DNAH9: variants seen among roughly 807,000 people sequenced by gnomAD.
DNAH9 encodes DNAH9 variant protein.
DNAH9 carries 345 observed loss-of-function variants against 471.6 expected under a neutral mutation model. That is an observed-to-expected ratio of 0.73 (90% CI 0.67 to 0.80). The LOEUF (loss-of-function observed/expected upper bound fraction) is 0.80, where lower values mean the gene tolerates loss of function less well. Among genes scored for constraint, DNAH9 ranks in the 30% least tolerant of loss-of-function variants. The probability of loss-of-function intolerance (pLI) is 0.00; values close to 1 mark genes in which losing one functional copy is unlikely to be tolerated. For missense variants in DNAH9, 5,407 were observed against 5,609.2 expected, an observed-to-expected ratio of 0.96 and a Z score of 1.15; for synonymous variants, 2,093 against 2,123.6, an observed-to-expected ratio of 0.99 and a Z score of 0.40.
rs773909326 is a variant in DNAH9, at chr17:11,701,240, C to G, written c.5144C>G (p.Pro1715Arg). The change falls in exon 24 of 69, where the codon CCA becomes CGA. Residue 1715 changes from proline (P) to arginine (R), a missense_variant. Physicochemically the swap from Pro to Arg is moderately radical, Grantham distance 103 (BLOSUM62 -2). Coordinates refer to ENST00000262442, the MANE Select transcript of DNAH9 (RefSeq NM_001372.4). ...KPREQWLFDHPAQVALTCTQI... is the reference protein window; with the variant it reads ...KPREQWLFDHRAQVALTCTQI... ...AGGGAGCAGTGGCTTTTTGACCACCCAGCTCAGGTATTCTCCTAATGGGAT... is the reference window on the plus strand; with the variant it reads ...AGGGAGCAGTGGCTTTTTGACCACCGAGCTCAGGTATTCTCCTAATGGGAT... The G allele has an allele frequency of 1.9e-6, 3 of 1,613,262 alleles. No homozygotes were observed. Among genetic ancestry groups the G allele is most frequent in the Non-Finnish European group, 8.5e-7 (1 of 1,179,958 alleles).
chr17:11,930,114 C>T (rs1597839759), intron 63 of DNAH9, 21 bp downstream of exon 63: 1 of 1,592,138 alleles, frequency 6.3e-7, no homozygotes, highest in East Asian at 2.2e-5. Context: ...GGGAGGGAGG[C>T]AAAAACAGCA....
Position 11,693,996 on chromosome 17 carries a change from C to G in DNAH9, c.4743C>G (p.Gly1581=), listed in dbSNP as rs755024242. 16 of 1,613,724 alleles carry G rather than the reference C, an allele frequency of 9.9e-6. No individual in the cohort carries two copies. The Middle Eastern group carries it at 9.9e-4, about 99-fold the overall frequency. Residue 1581 remains glycine (G), a splice_region_variant and synonymous_variant, in exon 21 of 69, where the codon GGC becomes GGG. Coordinates refer to ENST00000262442, the MANE Select transcript of DNAH9 (RefSeq NM_001372.4). ...GLYEKLEDIQ[G]RLCLCEKALA... Reference sequence around the variant, plus strand: ...ATGAAAAGCTGGAGGATATTCAGGGCAGGTGAGGGTCCGCCCATTACCCCT... The same window carrying G: ...ATGAAAAGCTGGAGGATATTCAGGGGAGGTGAGGGTCCGCCCATTACCCCT...
rs766799921 is a variant in DNAH9 at position 11,636,730 on chromosome 17, CT to C, written c.1733del (p.Leu578ArgfsTer4). The C allele has an allele frequency of 2.9e-5, 47 of 1,613,576 alleles. No homozygotes were observed. The highest frequency in any genetic ancestry group is 3.6e-5 in the Non-Finnish European group (43 of 1,179,598). On this transcript the variant is annotated frameshift_variant, in exon 9 of 69. Transcript: ENST00000262442. LOFTEE classifies it high-confidence loss of function. The part of the protein sequence containing the change: ...LVLIQMFNKD[L>X]DAVRMIYSQH... ...CCTCATCCAAATGTTCAACAAAGAT[CT>C]GGATGCAGTGAGGATGATCTACAGT... is the stretch of plus-strand genomic sequence containing the variant.
intron 67 of DNAH9, among the ~76,000 whole-genome samples, chr17:11,946,312 C>A (rs566513337): frequency 4.2e-4 from 63 of 151,426 alleles, no homozygotes; most frequent in Admixed American, 8.6e-4. Context: ...TCAGGAGGGG[C>A]AATCAACCAC....
intron 37 of DNAH9, among the ~76,000 whole-genome samples, 189 bp from the exon 38 acceptor site, chr17:11,768,933 G>A (rs1370968998): frequency 6.6e-6 from 1 of 152,140 alleles, no homozygotes; most frequent in Non-Finnish European, 1.5e-5. Flanking sequence ...CCTAACTGCG[G>A]GGAGCCCAGA....
At chr17:11,785,914 C>G (rs1831536198) in intron 41 of DNAH9, among the ~76,000 whole-genome samples, 1 of 152,168 alleles carries the variant, frequency 6.6e-6, no homozygotes, top group South Asian at 2.1e-4. Context: ...CCTATAAAGC[C>G]TGCATCTCTG....
chr17:11,854,347 C>T lies in DNAH9; in HGVS notation c.9852C>T (p.Pro3284=). 6.2e-7 allele frequency: 1 copy of T among 1,614,058 alleles called. No homozygotes were observed. Among genetic ancestry groups the T allele is most frequent in the Non-Finnish European group, 8.5e-7 (1 of 1,180,030 alleles). Residue 3284 remains proline, a synonymous_variant, in exon 50 of 69, where the codon CCC becomes CCT. Coordinates refer to ENST00000262442, the MANE Select transcript of DNAH9 (RefSeq NM_001372.4). ...RFYEVFCDVE[P]KRQALNKATA... is the part of the protein sequence containing the mutation. ...ATGAGGTGTTCTGTGATGTGGAACCCAAGCGCCAGGCACTGAACAAAGCCA... is the reference window on the plus strand; with the variant it reads ...ATGAGGTGTTCTGTGATGTGGAACCTAAGCGCCAGGCACTGAACAAAGCCA...
At chr17:11,832,196 C>A (rs111380897) in intron 48 of DNAH9, among the ~76,000 whole-genome samples, 1,648 of 152,152 alleles carry the variant, frequency 0.011, 26 homozygotes, top group African/African-American at 0.038. Flanking sequence ...TTGGGGGAGC[C>A]CTAATTCTGA....
rs183968629 is a variant in DNAH9, at chr17:11,610,356, G to A, written c.615-40G>A. ...GTTATTTTCACGCCTCAGGGTTTTT[G>A]TTTTTGTTGTTATCATTGTTGTTGT... On this transcript the variant is annotated intron_variant, in intron 2 of 68. Transcript: ENST00000262442. 211 of 1,580,212 alleles carry A rather than the reference G, an allele frequency of 1.3e-4. No individual in the cohort carries two copies. The African/African-American group carries it at 2.5e-3, about 19-fold the overall frequency.
At chr17:11,933,314 A>G (rs1370218468) in intron 64 of DNAH9, among the ~76,000 whole-genome samples, 1 of 152,018 alleles carries the variant, frequency 6.6e-6, no homozygotes, top group Non-Finnish European at 1.5e-5. Flanking sequence ...GAAGGCATAT[A>G]TATATGGGGC....
At chr17:11,946,707 G>C (rs1975140884) in intron 67 of DNAH9, among the ~76,000 whole-genome samples, 1 of 148,396 alleles carries the variant, frequency 6.7e-6, no homozygotes. Flanking sequence ...ATCTGCACTT[G>C]TACCCTCTAA....
Position 11,902,730 on chromosome 17 carries a change from A to C in DNAH9, c.11418A>C (p.Ser3806=), listed in dbSNP as rs1973453900. The part of the protein sequence containing the change: ...QAWGAVKVLS[S]MEEFSNLDRD... ...CTGAAATTTCCCAGGTACTTTCATC[A>C]ATGGAAGAATTCTCTAATCTGGATC... The change falls in exon 60 of 69, where the codon TCA becomes TCC. Residue 3806 remains serine (S), a synonymous_variant. Coordinates refer to ENST00000262442, the MANE Select transcript of DNAH9 (RefSeq NM_001372.4). 1 of 1,606,862 alleles carries C rather than the reference A, an allele frequency of 6.2e-7. No homozygotes were observed. Among genetic ancestry groups the C allele is most frequent in the African/African-American group, 1.3e-5 (1 of 74,414 alleles).
At chr17:11,921,243 ATTTT>A (rs113084157) in intron 61 of DNAH9, among the ~76,000 whole-genome samples, 3 of 100,878 alleles carry the variant, frequency 3.0e-5, no homozygotes, top group Non-Finnish European at 6.4e-5. Context: ...AAAAAAGGTG[ATTTT>A]TTTTTTTTCT....
chr17:11,739,866 G>A lies in DNAH9; in HGVS notation c.5972+829G>A, dbSNP rs34001458. 5.6e-3 allele frequency among the ~76,000 whole-genome samples: 853 copies of A among 152,280 alleles called. 3 individuals are homozygous for A. The highest frequency in any genetic ancestry group is 0.014 in the Middle Eastern group (4 of 294). Reference sequence around the variant, plus strand: ...TTCTGGTTACTGAACTTTTACCTAAGTGAGATAGACTGTGGGGTGCTATGA... The same window carrying A: ...TTCTGGTTACTGAACTTTTACCTAAATGAGATAGACTGTGGGGTGCTATGA... On this transcript the variant is annotated intron_variant, in intron 29 of 68. Coordinates refer to ENST00000262442, the MANE Select transcript of DNAH9 (RefSeq NM_001372.4).
At chr17:11,753,851 A>T (rs1190764230) in intron 33 of DNAH9, among the ~76,000 whole-genome samples, 2 of 152,156 alleles carry the variant, frequency 1.3e-5, no homozygotes, top group Non-Finnish European at 2.9e-5. Context: ...GTACCTGTGC[A>T]GGTTTGTTAC....
intron 27 of DNAH9, 75 bp from the exon 28 acceptor site, chr17:11,727,743 G>A: frequency 1.1e-6 from 1 of 941,310 alleles, no homozygotes; most frequent in Non-Finnish European, 1.7e-6. Context: ...ATAATAAAGG[G>A]GATGGAGAAT....
In DNAH9 at chr17:11,598,558, C is replaced by A. The variant is rs936258181; in HGVS notation, c.60C>A (p.Gly20=). Residue 20 remains glycine, a synonymous_variant, in exon 1 of 69, where the codon GGC becomes GGA. Coordinates refer to ENST00000262442, the MANE Select transcript of DNAH9 (RefSeq NM_001372.4). ...LAAENADGEP[G]ADRRLRLLGT... ...CGGAGAACGCGGATGGGGAACCCGGCGCCGACCGACGACTGCGACTCCTGG... is the reference window on the plus strand; with the variant it reads ...CGGAGAACGCGGATGGGGAACCCGGAGCCGACCGACGACTGCGACTCCTGG... 3.4e-5 allele frequency: 48 copies of A among 1,406,576 alleles called. No individual in the cohort carries two copies. Among genetic ancestry groups the A allele is most frequent in the Non-Finnish European group, 4.1e-5 (45 of 1,088,354 alleles). 87.1% of individuals were successfully genotyped at this position (1,406,576 alleles called of 1,614,324 possible).
At chr17:11,860,094 A>G (rs1457370634) in intron 50 of DNAH9, among the ~76,000 whole-genome samples, 1 of 152,240 alleles carries the variant, frequency 6.6e-6, no homozygotes, top group East Asian at 1.9e-4. Context: ...TGCTCTGTCC[A>G]TAGACTGATC....
chr17:11,928,835 G>A (rs1166083912), intron 62 of DNAH9, among the ~76,000 whole-genome samples: 1 of 152,262 alleles, frequency 6.6e-6, no homozygotes, highest in Non-Finnish European at 1.5e-5. Flanking sequence ...ACCAATTACC[G>A]GAGGATCTCA....
Sources: allele counts gnomAD v4.1 joint callset (sites outside exome capture counted in the v4.1 genomes callset), GRCh38; gene constraint gnomAD v4.1.1; transcripts MANE v1.5; gene names NCBI Gene and HGNC (gene_info 2026-07-23, HGNC 2026-07-21).